DENND1C: variants seen among roughly 807,000 people sequenced by gnomAD.
The protein encoded by DENND1C is DENN domain containing 1C.
A neutral mutation model predicts 87.9 loss-of-function variants in DENND1C; 64 were observed. That is an observed-to-expected ratio of 0.73 (90% CI 0.60 to 0.90). The LOEUF (loss-of-function observed/expected upper bound fraction) is 0.90. Ranked by LOEUF, DENND1C falls within the 40% of genes least tolerant of loss-of-function variation. DENND1C has a pLI of 0.00. For missense variants in DENND1C, 980 were observed against 1,037.0 expected, an observed-to-expected ratio of 0.95 and a Z score of 0.76; for synonymous variants, 384 against 424.4, an observed-to-expected ratio of 0.90 and a Z score of 1.17.
rs777956968 is a variant in DENND1C, at chr19:6,475,755, C to T, written c.780-4G>A. On this transcript the variant is annotated splice_polypyrimidine_tract_variant and splice_region_variant and intron_variant, in intron 11 of 22. Transcript: ENST00000381480. ...AATGAGGTAGGGCATGGGCGCGCTGCGGACCGAGGGGACGGGGTCATGCAG... is the reference window on the plus strand; with the variant it reads ...AATGAGGTAGGGCATGGGCGCGCTGTGGACCGAGGGGACGGGGTCATGCAG... 3.9e-6 allele frequency: 6 copies of T among 1,557,696 alleles called. No homozygotes were observed. In the East Asian group the frequency reaches 1.4e-4, roughly 37 times the overall value.
rs754706806 is a variant in DENND1C at position 6,467,632 on chromosome 19, C to CGCGCTCTGCCA, written c.2267_2277dup (p.Ala760TrpfsTer16). ...GGTTCCTCCCGTGGCTGGAGGTGAG[C>CGCGCTCTGCCA]GCGCTCTGCCAGCAGGGCTTTGGGA... On this transcript the variant is annotated frameshift_variant, in exon 23 of 23. Transcript: ENST00000381480. LOFTEE classifies it low-confidence loss of function (END_TRUNC). 1.7e-5 allele frequency: 27 copies of CGCGCTCTGCCA among 1,551,040 alleles called. No individual in the cohort carries two copies. In the Admixed American group the frequency reaches 2.9e-4, roughly 17 times the overall value.
chr19:6,481,604 C>T (rs1044091243), intron 1 of DENND1C, 75 bp downstream of exon 1: 6 of 1,600,894 alleles, frequency 3.7e-6, no homozygotes, highest in Non-Finnish European at 5.1e-6. Context: ...GCTCCAGCCC[C>T]AGCTCCCCTC....
intron 20 of DENND1C, 50 bp from the exon 21 acceptor site, chr19:6,468,695 G>C (rs750353525): frequency 2.3e-5 from 32 of 1,414,326 alleles, no homozygotes; most frequent in Non-Finnish European, 3.0e-5. Context: ...GAATCGGGGG[G>C]CTGAGGCTTG....
Position 6,476,761 on chromosome 19 carries a change from G to A in DENND1C, c.678+96C>T, listed in dbSNP as rs900826449. 4.0e-6 allele frequency: 5 copies of A among 1,259,904 alleles called. No individual in the cohort carries two copies. In the African/African-American group the frequency reaches 7.6e-5, roughly 19 times the overall value. The allele number at this position is 1,259,904 out of a possible 1,614,324, so 78.0% of individuals were successfully genotyped here. A position where few individuals can be genotyped will look rare whatever the true frequency, so the allele number is the denominator to read the frequency against. On this transcript the variant is annotated intron_variant, in intron 10 of 22. Coordinates refer to ENST00000381480, the MANE Select transcript of DENND1C (RefSeq NM_024898.4). ...CCAGGACTTCGCCCTCGGGTCTCGC[G>A]CAGTAGGGTTAGAGCCAGGAATCAG... is the stretch of plus-strand genomic sequence containing the variant.
Position 6,467,444 on chromosome 19 carries a change from GC to G in DENND1C, c.*59del. The G allele has an allele frequency of 1.4e-6, 2 of 1,461,168 alleles. No homozygotes were observed. Among genetic ancestry groups the G allele is most frequent in the Non-Finnish European group, 1.8e-6 (2 of 1,105,422 alleles). The allele number at this position is 1,461,168 out of a possible 1,614,324, so 90.5% of individuals were successfully genotyped here. A position where few individuals can be genotyped will look rare whatever the true frequency, so the allele number is the denominator to read the frequency against. ...GAGAAATTCACCAGGAAAAAAACCAGCTTTTTTGGGCTCTTGTGGCTTTATT... is the reference window on the plus strand; with the variant it reads ...GAGAAATTCACCAGGAAAAAAACCAGTTTTTTGGGCTCTTGTGGCTTTATT... On this transcript the variant is annotated 3_prime_UTR_variant, in exon 23 of 23. Coordinates refer to ENST00000381480, the MANE Select transcript of DENND1C (RefSeq NM_024898.4).
chr19:6,472,178 GC>G (rs1196365727), intron 15 of DENND1C, among the ~76,000 whole-genome samples: 2 of 120,512 alleles, frequency 1.7e-5, no homozygotes, highest in Non-Finnish European at 1.7e-5. Context: ...GTGCCACCCC[GC>G]CCCCCCACCC....
chr19:6,470,192 T>C (rs1375648888), intron 18 of DENND1C, 103 bp downstream of exon 18: 1 of 1,138,516 alleles, frequency 8.8e-7, no homozygotes, highest in Non-Finnish European at 1.3e-6. Context: ...GTGTTTAAAG[T>C]GTCTGCCAGG....
chr19:6,480,501 T>G, intron 1 of DENND1C: 1 of 983,712 alleles, frequency 1.0e-6, no homozygotes, highest in Non-Finnish European at 1.2e-6. Context: ...TCTGTCTGTC[T>G]CTGTCTATCC....
At chr19:6,470,847 C>G (rs893045157) in intron 17 of DENND1C, among the ~76,000 whole-genome samples, 2 of 151,836 alleles carry the variant, frequency 1.3e-5, no homozygotes, top group African/African-American at 4.8e-5. Context: ...GTCTCGATCT[C>G]CTGACCTTGT....
chr19:6,469,142 A>G (rs8105046), intron 19 of DENND1C, among the ~76,000 whole-genome samples, 189 bp from the exon 20 acceptor site: 49,697 of 151,742 alleles, frequency 0.33, 8,790 homozygotes, highest in Non-Finnish European at 0.4. Flanking sequence ...AGCGATTCTC[A>G]TGCCTCAGCT....
intron 10 of DENND1C, 129 bp downstream of exon 10, chr19:6,476,728 G>A: frequency 2.1e-6 from 2 of 934,016 alleles, no homozygotes; most frequent in Non-Finnish European, 3.1e-6. Flanking sequence ...ACCTTCGAAG[G>A]GGCGGGGCCA....
Position 6,475,885 on chromosome 19 carries a change from TCCCA to T in DENND1C, c.727_730del (p.Trp243SerfsTer4). 6.4e-7 allele frequency: 1 copy of T among 1,563,590 alleles called. No individual in the cohort carries two copies. Among genetic ancestry groups the T allele is most frequent in the Non-Finnish European group, 8.6e-7 (1 of 1,163,274 alleles). ...GGGCAGCGTGGGGATCAGCACGTGC[TCCCA>T]GCGCATGGGGTACAGGAGCGCGCAG... On this transcript the variant is annotated frameshift_variant, in exon 11 of 23. Coordinates refer to ENST00000381480, the MANE Select transcript of DENND1C (RefSeq NM_024898.4). LOFTEE classifies it high-confidence loss of function.
At chr19:6,473,949 C>A (rs982089191) in intron 14 of DENND1C, among the ~76,000 whole-genome samples, 1 of 152,080 alleles carries the variant, frequency 6.6e-6, no homozygotes, top group Non-Finnish European at 1.5e-5. Context: ...AATTTCAGCA[C>A]TCTGGGAAGA....
chr19:6,480,372 G>C, intron 1 of DENND1C: 1 of 1,294,998 alleles, frequency 7.7e-7, no homozygotes, highest in Non-Finnish European at 9.9e-7. Context: ...CTGAAAAGAT[G>C]AGACTGTCTC....
In DENND1C at chr19:6,468,913, G is replaced by T; in HGVS notation, c.1448C>A (p.Ala483Asp). 6.8e-7 allele frequency: 1 copy of T among 1,479,130 alleles called. No individual in the cohort carries two copies. The allele number at this position is 1,479,130 out of a possible 1,614,324, so 91.6% of individuals were successfully genotyped here. The change falls in exon 20 of 23, where the codon GCC becomes GAC. Residue 483 changes from alanine to aspartate, a missense_variant. Physicochemically the swap from Ala to Asp is moderately radical, Grantham distance 126. Transcript: ENST00000381480. ...SVLQRGGSLRAPALPSRSDRL... is the reference protein window; with the variant it reads ...SVLQRGGSLRDPALPSRSDRL... ...GTCTGAGCGGCTGGGGAGGGCTGGG[G>T]CCCTCAGAGAGCCCCCCCTCTGCAG...
chr19:6,475,857 T>C lies in DENND1C; in HGVS notation c.759A>G (p.Pro253=), dbSNP rs972496685. 5.8e-6 allele frequency: 9 copies of C among 1,548,678 alleles called. No individual in the cohort carries two copies. The Admixed American group carries it at 8.4e-5, about 14-fold the overall frequency. Residue 253 remains proline, a synonymous_variant, in exon 11 of 23, where the codon CCA becomes CCG. Transcript: ENST00000381480. ...CTCACCAGCAGTAGTCCAGCAGGTG[T>C]GGGGGCAGCGTGGGGATCAGCACGT... ...WEHVLIPTLP[P]HLLDYCCAPM... is the part of the protein sequence containing the mutation.
At chr19:6,473,307 A>G (rs2092839524) in intron 14 of DENND1C, among the ~76,000 whole-genome samples, 2 of 152,008 alleles carry the variant, frequency 1.3e-5, no homozygotes, top group Admixed American at 1.3e-4. Context: ...GGCACGTGCC[A>G]CCATGTCCAG....
rs2092863415 is a variant in DENND1C at position 6,476,783 on chromosome 19, T to C, written c.678+74A>G. On this transcript the variant is annotated intron_variant, in intron 10 of 22. Coordinates refer to ENST00000381480, the MANE Select transcript of DENND1C (RefSeq NM_024898.4). ...CGCGCAGTAGGGTTAGAGCCAGGAA[T>C]CAGCCCCCTTGTCCCGCCCCCCGGG... 13 of 1,441,854 alleles carry C rather than the reference T, an allele frequency of 9.0e-6. No individual in the cohort carries two copies. The South Asian group carries it at 1.7e-4, about 18-fold the overall frequency. 89.3% of individuals were successfully genotyped at this position (1,441,854 alleles called of 1,614,324 possible). A position where few individuals can be genotyped will look rare whatever the true frequency, so the allele number is the denominator to read the frequency against.
chr19:6,470,354 C>T lies in DENND1C; in HGVS notation c.1303G>A (p.Ala435Thr), dbSNP rs536993980. The change falls in exon 18 of 23, where the codon GCC becomes ACC. Residue 435 changes from alanine to threonine, a missense_variant. Transcript: ENST00000381480. ...WADNLKKGGG[A>T]LLHSVKAKTQ... Reference sequence around the variant, plus strand: ...TTGGCCTTGACTGAGTGCAGGAGGGCGCCACCACCTTTCTGCGGGAGAGAA... The same window carrying T: ...TTGGCCTTGACTGAGTGCAGGAGGGTGCCACCACCTTTCTGCGGGAGAGAA... 1.1e-5 allele frequency: 17 copies of T among 1,612,708 alleles called. No homozygotes were observed. The highest frequency in any genetic ancestry group is 6.6e-5 in the South Asian group (6 of 90,694).
Sources: allele counts gnomAD v4.1 joint callset (sites outside exome capture counted in the v4.1 genomes callset), GRCh38; gene constraint gnomAD v4.1.1; transcripts MANE v1.5; gene names NCBI Gene and HGNC (gene_info 2026-07-23, HGNC 2026-07-21).